CLASP2: variants seen among roughly 807,000 people sequenced by gnomAD.
The protein encoded by CLASP2 is CLIP-associating protein 2.
In CLASP2, 47 loss-of-function variants were observed where a neutral mutation model predicts 194.4. The observed-to-expected ratio is 0.24, with a 90% CI of 0.19 to 0.31. The LOEUF is 0.31. CLASP2 is among the 10% of genes least tolerant of loss of function. The pLI, the probability that CLASP2 is intolerant of heterozygous loss-of-function variation, is 1.00. For missense variants in CLASP2, 1,445 were observed against 1,823.6 expected, an observed-to-expected ratio of 0.79 and a Z score of 3.78; for synonymous variants, 619 against 633.5, an observed-to-expected ratio of 0.98 and a Z score of 0.34.
At chr3:33,696,786 TA>T in intron 2 of CLASP2, 68 bp downstream of exon 2, 3 of 1,076,584 alleles carry the variant, frequency 2.8e-6, no homozygotes, top group Non-Finnish European at 4.1e-6. Flanking sequence ...TTCTGCTAAA[TA>T]AAAACTAACG....
intron 30 of CLASP2, among the ~76,000 whole-genome samples, chr3:33,546,079 C>T (rs2059114089): frequency 1.3e-5 from 2 of 152,044 alleles, no homozygotes; most frequent in Non-Finnish European, 1.5e-5. Context: ...TTGGAACCAC[C>T]ACATTGAATG....
chr3:33,713,012 C>CAAAAAAAAAAAAAAAAAAAAAAAAAAA (rs57940200), intron 1 of CLASP2, among the ~76,000 whole-genome samples: 20 of 47,006 alleles, frequency 4.3e-4, no homozygotes, highest in South Asian at 8.3e-4. Context: ...AACTCCACCT[C>CAAAAAAAAAAAAAAAAAAAAAAAAAAA]AAAAAAAAAA....
chr3:33,522,245 A>G (rs1396098244), intron 34 of CLASP2, among the ~76,000 whole-genome samples: 1 of 152,176 alleles, frequency 6.6e-6, no homozygotes, highest in Non-Finnish European at 1.5e-5. Context: ...AAAGACCAGC[A>G]TATTCAAAAA....
At chr3:33,629,388 G>A (rs978905324) in intron 9 of CLASP2, among the ~76,000 whole-genome samples, 3 of 152,186 alleles carry the variant, frequency 2.0e-5, no homozygotes, top group Non-Finnish European at 2.9e-5. Flanking sequence ...GAAGGACCAT[G>A]TTTCTGGAGC....
chr3:33,685,168 C>G (rs1175550319), intron 5 of CLASP2, among the ~76,000 whole-genome samples: 2 of 150,930 alleles, frequency 1.3e-5, no homozygotes, highest in Admixed American at 1.3e-4. Context: ...CGGTGAAACC[C>G]CATTTCTACT....
At chr3:33,683,200 T>C (rs550397955) in intron 6 of CLASP2, 19 of 152,214 alleles carry the variant, frequency 1.2e-4, no homozygotes, top group Non-Finnish European at 2.6e-4. Context: ...TTGATAATGG[T>C]ACATAATTAC....
chr3:33,544,241 C>A (rs1365048045), intron 31 of CLASP2, among the ~76,000 whole-genome samples: 2 of 152,174 alleles, frequency 1.3e-5, no homozygotes, highest in Non-Finnish European at 2.9e-5. Context: ...AATTCCTGCA[C>A]ATCCAAGTAT....
chr3:33,664,476 C>T (rs2154334438), intron 6 of CLASP2, among the ~76,000 whole-genome samples: 1 of 152,202 alleles, frequency 6.6e-6, no homozygotes, highest in South Asian at 2.1e-4. Flanking sequence ...TGGTCCTCAT[C>T]GTGGTCATTT....
At chr3:33,552,091 T>C (rs569600994) in intron 29 of CLASP2, among the ~76,000 whole-genome samples, 32 of 151,406 alleles carry the variant, frequency 2.1e-4, no homozygotes, top group Admixed American at 3.3e-4. Flanking sequence ...CTTACGTGGA[T>C]AAAAATGTTA....
At chr3:33,650,998 T>A (rs1193139541) in intron 7 of CLASP2, among the ~76,000 whole-genome samples, 1 of 152,206 alleles carries the variant, frequency 6.6e-6, no homozygotes, top group Admixed American at 6.5e-5. Flanking sequence ...GGCATTAAAC[T>A]CATCTGAACT....
chr3:33,667,317 CAGG>C (rs2086354201), intron 6 of CLASP2, among the ~76,000 whole-genome samples: 1 of 142,918 alleles, frequency 7.0e-6, no homozygotes, highest in African/African-American at 2.6e-5. Flanking sequence ...TAGGCTGAGG[CAGG>C]AGAATTGCTT....
rs1341147514 is a variant in CLASP2 at position 33,497,747 on chromosome 3, G to A, written c.*884C>T. The A allele has an allele frequency of 1.3e-5, 2 of 152,422 alleles. No homozygotes were observed. The highest frequency in any genetic ancestry group is 2.4e-5 in the African/African-American group (1 of 41,422). 9.4% of individuals were successfully genotyped at this position (152,422 alleles called of 1,614,324 possible). A position where few individuals can be genotyped will look rare whatever the true frequency, so the allele number is the denominator to read the frequency against. ...ACAGAAGACGGTCAAGGACACACAC[G>A]CACTTGATTTTTTTTGTCCGTTTCC... On this transcript the variant is annotated 3_prime_UTR_variant, in exon 39 of 39. Coordinates refer to ENST00000682230, the MANE Select transcript of CLASP2 (RefSeq NM_001365631.1).
At chr3:33,689,712 C>T in intron 3 of CLASP2, 117 bp downstream of exon 3, 1 of 628,272 alleles carries the variant, frequency 1.6e-6, no homozygotes, top group Non-Finnish European at 2.6e-6. Context: ...ATATCAACTT[C>T]TTAACAGTAT....
intron 23 of CLASP2, among the ~76,000 whole-genome samples, chr3:33,578,438 A>T (rs1234986592): frequency 1.3e-5 from 2 of 152,224 alleles, no homozygotes; most frequent in African/African-American, 4.8e-5. Context: ...AATAAAATAC[A>T]TTACTTTAAT....
intron 7 of CLASP2, among the ~76,000 whole-genome samples, chr3:33,658,680 C>T: frequency 6.6e-6 from 1 of 152,166 alleles, no homozygotes; most frequent in East Asian, 1.9e-4. Context: ...GCACATATTC[C>T]ACGTTTCTTC....
chr3:33,583,160 T>G (rs2066539682), intron 22 of CLASP2, among the ~76,000 whole-genome samples: 1 of 152,170 alleles, frequency 6.6e-6, no homozygotes, highest in African/African-American at 2.4e-5. Context: ...TAGATGCAAC[T>G]AATCCAGAGA....
chr3:33,590,828 C>G (rs929522383), intron 21 of CLASP2, among the ~76,000 whole-genome samples: 3 of 152,130 alleles, frequency 2.0e-5, no homozygotes, highest in Non-Finnish European at 1.5e-5. Context: ...ATAGGACATC[C>G]ATATCCTAAT....
chr3:33,504,484 G>C (rs990040331), intron 37 of CLASP2: 1 of 152,196 alleles, frequency 6.6e-6, no homozygotes, highest in Non-Finnish European at 1.5e-5. Flanking sequence ...AGTCTTTGCA[G>C]ATTGACTCTG....
At chr3:33,626,917 T>C in intron 10 of CLASP2, 71 bp downstream of exon 10, 2 of 908,022 alleles carry the variant, frequency 2.2e-6, no homozygotes, top group East Asian at 2.6e-5. Flanking sequence ...GTACTACTAC[T>C]GAATTTCCAT....
Sources: allele counts gnomAD v4.1 joint callset (sites outside exome capture counted in the v4.1 genomes callset), GRCh38; gene constraint gnomAD v4.1.1; transcripts MANE v1.5; gene names NCBI Gene and HGNC (gene_info 2026-07-23, HGNC 2026-07-21).